The following ELF2 variants were observed in gnomAD, a reference collection of about 807,000 sequenced individuals.
The protein encoded by ELF2 is ETS-related transcription factor Elf-2.
In ELF2, 11 loss-of-function variants were observed where a neutral mutation model predicts 54.8. The ratio of observed to expected loss-of-function variants is 0.20; its 90% CI spans 0.13 to 0.33. The LOEUF is 0.33. Among genes scored for constraint, ELF2 ranks in the 10% least tolerant of loss-of-function variants. The probability of loss-of-function intolerance (pLI) is 1.00; values close to 1 mark genes in which losing one functional copy is unlikely to be tolerated. For missense variants in ELF2, 513 were observed against 703.0 expected (o/e 0.73, Z 3.06); for synonymous variants, 203 against 245.1 (o/e 0.83, Z 1.61).
intron 4 of ELF2, among the ~76,000 whole-genome samples, chr4:139,121,686 C>A (rs1736363726): frequency 6.6e-6 from 1 of 152,114 alleles, no homozygotes; most frequent in Non-Finnish European, 1.5e-5. Flanking sequence ...TTATACCTGC[C>A]AGAGTCAAGA....
chr4:139,121,591 C>T (rs1211437819), intron 4 of ELF2, among the ~76,000 whole-genome samples: 1 of 151,958 alleles, frequency 6.6e-6, no homozygotes, highest in Non-Finnish European at 1.5e-5. Context: ...ATCCAAAAAA[C>T]TCCTTCCCTC....
chr4:139,121,123 T>G (rs1736277395), intron 4 of ELF2, among the ~76,000 whole-genome samples: 5 of 115,888 alleles, frequency 4.3e-5, no homozygotes. Context: ...TTTTTTTTTT[T>G]TTTGAGACGG....
At chr4:139,083,189 G>A (rs964921255) in intron 4 of ELF2, among the ~76,000 whole-genome samples, 9 of 152,070 alleles carry the variant, frequency 5.9e-5, no homozygotes, top group African/African-American at 1.9e-4. Context: ...TTTGGGGGGG[G>A]GTAGAGGGGA....
chr4:139,136,007 G>A (rs374936633), intron 3 of ELF2, among the ~76,000 whole-genome samples: 4 of 152,196 alleles, frequency 2.6e-5, no homozygotes, highest in African/African-American at 9.6e-5. Context: ...ACAAGGTAAA[G>A]ATATTCTGCC....
At chr4:139,164,230 GAGAT>G (rs773056656) in intron 1 of ELF2, among the ~76,000 whole-genome samples, 14 of 150,242 alleles carry the variant, frequency 9.3e-5, no homozygotes, top group South Asian at 2.2e-4. Context: ...GGGAGGGAAA[GAGAT>G]AGAGAAGGAA....
intron 4 of ELF2, among the ~76,000 whole-genome samples, chr4:139,074,652 C>A (rs1465046675): frequency 6.6e-6 from 1 of 151,520 alleles, no homozygotes; most frequent in East Asian, 1.9e-4. Context: ...CCCAGCTACT[C>A]AGGAGGCTGA....
chr4:139,102,001 G>C (rs1296846190), intron 4 of ELF2: 1 of 151,560 alleles, frequency 6.6e-6, no homozygotes. Flanking sequence ...AAAAAGGGGG[G>C]GATGTCAAGT....
At chr4:139,071,805 A>AG (rs1729548795) in intron 6 of ELF2, 61 bp downstream of exon 6, 1 of 1,466,474 alleles carries the variant, frequency 6.8e-7, no homozygotes, top group African/African-American at 1.4e-5. Flanking sequence ...TCCCTTGATG[A>AG]GGAAAAAGAT....
At chr4:139,114,019 GC>G (rs1735263303) in intron 4 of ELF2, among the ~76,000 whole-genome samples, 1 of 151,978 alleles carries the variant, frequency 6.6e-6, no homozygotes, top group African/African-American at 2.4e-5. Flanking sequence ...ATTTTAACGA[GC>G]CCTTAAAGGA....
chr4:139,127,621 C>T (rs373037324), intron 3 of ELF2, among the ~76,000 whole-genome samples: 21 of 152,172 alleles, frequency 1.4e-4, no homozygotes, highest in Middle Eastern at 3.4e-3. Context: ...AGCGCCCAGC[C>T]GGGTTTTAAT....
chr4:139,111,491 C>CA (rs1553963300), intron 4 of ELF2, among the ~76,000 whole-genome samples: 15 of 136,302 alleles, frequency 1.1e-4, no homozygotes, highest in Non-Finnish European at 2.2e-4. Flanking sequence ...CCATACCAAC[C>CA]TTTTTTTTTT....
At chr4:139,126,514 T>C (rs1177571471) in intron 3 of ELF2, among the ~76,000 whole-genome samples, 3 of 152,114 alleles carry the variant, frequency 2.0e-5, no homozygotes, top group Non-Finnish European at 2.9e-5. Flanking sequence ...AACACATACA[T>C]TGAGGCATAT....
chr4:139,164,004 G>A (rs1000604706), intron 1 of ELF2, among the ~76,000 whole-genome samples: 2 of 147,898 alleles, frequency 1.4e-5, no homozygotes, highest in African/African-American at 5.0e-5. Context: ...GAAAGGAAAG[G>A]GGCAAGGGCA....
At chr4:139,072,561 T>C (rs940794789) in intron 5 of ELF2, among the ~76,000 whole-genome samples, 4 of 152,212 alleles carry the variant, frequency 2.6e-5, no homozygotes, top group African/African-American at 9.6e-5. Flanking sequence ...ACAAGAAATA[T>C]TACCTTTCGG....
chr4:139,165,851 TATG>T (rs1221706074), intron 1 of ELF2, among the ~76,000 whole-genome samples: 2 of 152,222 alleles, frequency 1.3e-5, no homozygotes, highest in African/African-American at 4.8e-5. Flanking sequence ...CATTTATTGA[TATG>T]ATATTAATAT....
intron 4 of ELF2, among the ~76,000 whole-genome samples, chr4:139,123,919 T>C (rs185390235): frequency 3.9e-5 from 6 of 152,364 alleles, no homozygotes; most frequent in East Asian, 1.9e-4. Flanking sequence ...TCTGCCACTA[T>C]ACTTCTAGCT....
chr4:139,142,885 T>C lies in ELF2; in HGVS notation c.-251-3388A>G, dbSNP rs572673953. On this transcript the variant is annotated intron_variant, in intron 1 of 9. Transcript: ENST00000686138. The stretch of plus-strand genomic sequence containing the variant: ...TTGTCTCAAAAAAAAAAAAAAGTGA[T>C]CAATCTTTAGATGTATTTTGCAGAT... 3.3e-5 allele frequency among the ~76,000 whole-genome samples: 5 copies of C among 150,974 alleles called. No homozygotes were observed. The East Asian group carries it at 9.7e-4, about 29-fold the overall frequency.
At position 139,084,014 on chromosome 4, in the gene ELF2, T is replaced by G. The variant is rs181211813; in HGVS notation, c.239-10447A>C. On this transcript the variant is annotated intron_variant, in intron 4 of 9. Transcript: ENST00000686138. ...CCCCCCTTTCCCCCAGCCGCCCCAG[T>G]GACTGTGAGGTGGACACTGTACCCC... 1.4e-4 allele frequency: 210 copies of G among 1,521,354 alleles called. 1 individual carries two copies. The East Asian group carries it at 2.9e-3, about 21-fold the overall frequency. The allele number at this position is 1,521,354 out of a possible 1,614,324, so 94.2% of individuals were successfully genotyped here.
intron 1 of ELF2, among the ~76,000 whole-genome samples, chr4:139,147,698 A>T (rs1578923423): frequency 6.7e-6 from 1 of 148,434 alleles, no homozygotes; most frequent in South Asian, 2.1e-4. Flanking sequence ...CTGGTCTTGA[A>T]CTCCTGACCT....
Sources: allele counts gnomAD v4.1 joint callset (sites outside exome capture counted in the v4.1 genomes callset), GRCh38; gene constraint gnomAD v4.1.1; transcripts MANE v1.5; gene names NCBI Gene and HGNC (gene_info 2026-07-23, HGNC 2026-07-21).